The following SYNPO2 variants were observed in gnomAD, a reference collection of about 807,000 sequenced individuals.
SYNPO2 encodes the protein synaptopodin-2.
A neutral mutation model predicts 85.0 loss-of-function variants in SYNPO2; 56 were observed. The observed-to-expected ratio is 0.66, with a 90% confidence interval of 0.53 to 0.82. The LOEUF (loss-of-function observed/expected upper bound fraction) is 0.82, where lower values mean the gene tolerates loss of function less well. Among genes scored for constraint, SYNPO2 ranks in the 40% least tolerant of loss-of-function variants. The pLI is 0.00. For missense variants in SYNPO2, 1,575 were observed against 1,534.2 expected (o/e 1.03, Z -0.44); for synonymous variants, 602 against 591.1 (o/e 1.02, Z -0.27).
At chr4:118,943,361 T>C (rs1221909827) in intron 1 of SYNPO2, among the ~76,000 whole-genome samples, 1 of 152,134 alleles carries the variant, frequency 6.6e-6, no homozygotes, top group Non-Finnish European at 1.5e-5. Flanking sequence ...ATTAGGTAGA[T>C]TGAGACATGG....
In SYNPO2 at chr4:119,026,984, G is replaced by A. The variant is rs753768167; in HGVS notation, c.615G>A (p.Gln205=). 1.9e-6 allele frequency: 3 copies of A among 1,614,072 alleles called. No homozygotes were observed. Among genetic ancestry groups the A allele is most frequent in the African/African-American group, 2.7e-5 (2 of 74,932 alleles). Residue 205 remains glutamine (Q), a synonymous_variant, in exon 3 of 5, where the codon CAG becomes CAA. Coordinates refer to ENST00000307142, the MANE Select transcript of SYNPO2 (RefSeq NM_133477.3). ...TTGAGCTGCAACTGTCCCTTTCACAGGAGAGACATAAGGGCGCTAGTGGCC... is the reference window on the plus strand; with the variant it reads ...TTGAGCTGCAACTGTCCCTTTCACAAGAGAGACATAAGGGCGCTAGTGGCC... ...PVVELQLSLS[Q]ERHKGASGPL...
chr4:119,012,825 T>C (rs1217785949), intron 1 of SYNPO2, among the ~76,000 whole-genome samples: 1 of 152,214 alleles, frequency 6.6e-6, no homozygotes, highest in Non-Finnish European at 1.5e-5. Flanking sequence ...GTTCCAAGTC[T>C]TTACTACTGT....
At chr4:119,032,929 T>TTGACC in intron 4 of SYNPO2, 1 of 905,314 alleles carries the variant, frequency 1.1e-6, no homozygotes, top group Non-Finnish European at 1.3e-6. Context: ...AAAGGTTGAT[T>TTGACC]CCCACCCTCC....
At chr4:118,998,808 T>A (rs1049001377) in intron 1 of SYNPO2, among the ~76,000 whole-genome samples, 1 of 152,194 alleles carries the variant, frequency 6.6e-6, no homozygotes, top group Non-Finnish European at 1.5e-5. Context: ...AATAAATGGA[T>A]CAAAGTTTGA....
chr4:119,033,438 G>T, intron 4 of SYNPO2: 1 of 985,400 alleles, frequency 1.0e-6, no homozygotes, highest in Non-Finnish European at 1.2e-6. Context: ...GGTACTGAAA[G>T]TAAACCTGAA....
At position 118,938,073 on chromosome 4, in the gene SYNPO2, C is replaced by G. The variant is rs568480663; in HGVS notation, c.105+48932C>G. 2.6e-5 allele frequency among the ~76,000 whole-genome samples: 4 copies of G among 152,170 alleles called. No individual in the cohort carries two copies. In the South Asian group the frequency reaches 8.3e-4, roughly 32 times the overall value. Reference sequence around the variant, plus strand: ...ATCCTAGCACTTTGGAAGGCCGAGGCAGGTAGATCACCTGAGGTCAGGAGT... The same window carrying G: ...ATCCTAGCACTTTGGAAGGCCGAGGGAGGTAGATCACCTGAGGTCAGGAGT... On this transcript the variant is annotated intron_variant, in intron 1 of 4. Transcript: ENST00000307142.
At chr4:118,927,987 G>A (rs1277213707) in intron 1 of SYNPO2, among the ~76,000 whole-genome samples, 1 of 152,252 alleles carries the variant, frequency 6.6e-6, no homozygotes, top group East Asian at 1.9e-4. Flanking sequence ...AATACTTCTT[G>A]AACTCCATCC....
At chr4:119,054,618 C>T (rs965181313) in intron 4 of SYNPO2, among the ~76,000 whole-genome samples, 2 of 152,084 alleles carry the variant, frequency 1.3e-5, no homozygotes, top group African/African-American at 2.4e-5. Flanking sequence ...CTCTAAGGTC[C>T]GGCCATCTCT....
At chr4:119,044,934 G>T (rs1037090461) in intron 4 of SYNPO2, among the ~76,000 whole-genome samples, 2 of 152,154 alleles carry the variant, frequency 1.3e-5, no homozygotes, top group Non-Finnish European at 2.9e-5. Flanking sequence ...AACTCGCTTT[G>T]AATTGTCAGA....
At chr4:118,979,086 C>G (rs1735904585) in intron 1 of SYNPO2, among the ~76,000 whole-genome samples, 3 of 152,186 alleles carry the variant, frequency 2.0e-5, no homozygotes, top group Admixed American at 6.5e-5. Flanking sequence ...TCCAATCGTT[C>G]TGTGCATTTT....
Position 118,888,994 on chromosome 4 carries a change from C to CTGTCTCG in SYNPO2, c.-41_-35dup, listed in dbSNP as rs1732275552. The stretch of plus-strand genomic sequence containing the variant: ...ATCCTCTACCGCACCCAAGCTTCGT[C>CTGTCTCG]TGTCTCGTCAAGCTCTTCATGCTGC... On this transcript the variant is annotated 5_prime_UTR_variant, in exon 1 of 5. Coordinates refer to ENST00000307142, the MANE Select transcript of SYNPO2 (RefSeq NM_133477.3). 6.2e-7 allele frequency: 1 copy of CTGTCTCG among 1,601,414 alleles called. No individual in the cohort carries two copies.
intron 1 of SYNPO2, among the ~76,000 whole-genome samples, chr4:119,013,666 T>C (rs1737415165): frequency 6.6e-6 from 1 of 152,230 alleles, no homozygotes; most frequent in Non-Finnish European, 1.5e-5. Flanking sequence ...AGCATCCCAA[T>C]ACTTAAAGAC....
intron 1 of SYNPO2, among the ~76,000 whole-genome samples, chr4:118,879,234 G>T (rs188634694): frequency 6.6e-6 from 1 of 152,326 alleles, no homozygotes; most frequent in East Asian, 1.9e-4. Flanking sequence ...CTTCATTGTT[G>T]AAGTCAGGGA....
intron 1 of SYNPO2, among the ~76,000 whole-genome samples, chr4:118,985,178 T>G (rs1336867066): frequency 1.1e-5 from 1 of 93,360 alleles, no homozygotes; most frequent in African/African-American, 4.1e-5. Context: ...ACTGCTCTAG[T>G]AGGATGTAGC....
intron 1 of SYNPO2, among the ~76,000 whole-genome samples, chr4:118,868,541 C>A (rs1731743635): frequency 6.6e-6 from 1 of 152,014 alleles, no homozygotes; most frequent in Non-Finnish European, 1.5e-5. Flanking sequence ...TTTTGAAAGA[C>A]ATTTTAAATC....
intron 1 of SYNPO2, among the ~76,000 whole-genome samples, chr4:118,951,292 C>T (rs1734687796): frequency 6.6e-6 from 1 of 152,194 alleles, no homozygotes; most frequent in African/African-American, 2.4e-5. Flanking sequence ...CTTGTTGCTG[C>T]ATCCTCTGGA....
intron 1 of SYNPO2, among the ~76,000 whole-genome samples, chr4:119,021,046 A>T (rs1053781677): frequency 6.6e-6 from 1 of 152,208 alleles, no homozygotes; most frequent in African/African-American, 2.4e-5. Context: ...AAAATAAATT[A>T]TATTTTCCAA....
At chr4:119,013,718 G>T (rs1382183573) in intron 1 of SYNPO2, among the ~76,000 whole-genome samples, 1 of 152,198 alleles carries the variant, frequency 6.6e-6, no homozygotes, top group Non-Finnish European at 1.5e-5. Flanking sequence ...GTGATTGTTT[G>T]ATATTGTATA....
At chr4:118,996,484 AG>A (rs1265340943) in intron 1 of SYNPO2, among the ~76,000 whole-genome samples, 11 of 152,236 alleles carry the variant, frequency 7.2e-5, no homozygotes, top group African/African-American at 2.7e-4. Context: ...TTGATAAAAA[AG>A]TGATTGAATA....
Sources: gnomAD v4.1 joint callset for allele counts (sites outside exome capture counted in the v4.1 genomes callset) on GRCh38, gnomAD v4.1.1 for gene constraint, MANE v1.5 for transcripts, NCBI Gene and HGNC (gene_info 2026-07-23, HGNC 2026-07-21) for gene names.